TSPAN9: variants seen among roughly 807,000 people sequenced by gnomAD.
The protein encoded by TSPAN9 is tetraspanin 9, also known as tetraspanin-9.
In TSPAN9, 16 loss-of-function variants were observed where a neutral mutation model predicts 31.0. The observed-to-expected ratio is 0.52, with a 90% confidence interval of 0.35 to 0.78. TSPAN9 has a LOEUF of 0.78. Among genes scored for constraint, TSPAN9 ranks in the 30% least tolerant of loss-of-function variants. The probability of loss-of-function intolerance (pLI) is 0.01; values close to 1 mark genes in which losing one functional copy is unlikely to be tolerated. For missense variants in TSPAN9, 272 were observed against 312.5 expected (o/e 0.87, Z 0.98); for synonymous variants, 145 against 121.6 (o/e 1.19, Z -1.27).
At chr12:3,117,185 C>T (rs575013849) in intron 2 of TSPAN9, among the ~76,000 whole-genome samples, 26 of 152,250 alleles carry the variant, frequency 1.7e-4, no homozygotes, top group African/African-American at 6.3e-4. Context: ...GCTGCACAGA[C>T]GGTTCCTCGT....
intron 2 of TSPAN9, among the ~76,000 whole-genome samples, chr12:3,199,625 T>A (rs2098369957): frequency 6.6e-6 from 1 of 152,218 alleles, no homozygotes; most frequent in Non-Finnish European, 1.5e-5. Flanking sequence ...CCTGTCCCTG[T>A]CAGCCTGCCT....
intron 4 of TSPAN9, 67 bp downstream of exon 4, chr12:3,278,679 G>A (rs1862841240): frequency 6.4e-7 from 1 of 1,560,056 alleles, no homozygotes; most frequent in African/African-American, 1.4e-5. Context: ...CCCTGGGACA[G>A]GCAAGACCTG....
chr12:3,285,371 AAAT>A lies in TSPAN9; in HGVS notation c.*2256_*2258del, dbSNP rs1862995197. 6.6e-6 allele frequency: 1 copy of A among 152,190 alleles called. No individual in the cohort carries two copies. Among genetic ancestry groups the A allele is most frequent in the Non-Finnish European group, 1.5e-5 (1 of 68,024 alleles). The allele number at this position is 152,190 out of a possible 1,614,324, so 9.4% of individuals were successfully genotyped here. A position where few individuals can be genotyped will look rare whatever the true frequency, so the allele number is the denominator to read the frequency against. On this transcript the variant is annotated 3_prime_UTR_variant, in exon 9 of 9. Coordinates refer to ENST00000011898, the MANE Select transcript of TSPAN9 (RefSeq NM_006675.5). ...ATTGGGAGATGTGCAACCTCCCTGAAAATCTTTTCTGTTTCTGGAGTACTTCAG... is the reference window on the plus strand; with the variant it reads ...ATTGGGAGATGTGCAACCTCCCTGAACTTTTCTGTTTCTGGAGTACTTCAG...
intron 2 of TSPAN9, among the ~76,000 whole-genome samples, chr12:3,188,531 C>T (rs1159656751): frequency 6.6e-6 from 1 of 152,140 alleles, no homozygotes; most frequent in Non-Finnish European, 1.5e-5. Context: ...GTCCGGCTGG[C>T]CGTGGCTTCG....
At chr12:3,260,559 ATC>A (rs1451056157) in intron 3 of TSPAN9, among the ~76,000 whole-genome samples, 2 of 152,208 alleles carry the variant, frequency 1.3e-5, no homozygotes, top group African/African-American at 4.8e-5. Flanking sequence ...CTCAGAAAAT[ATC>A]TCTCGGGATC....
Position 3,147,804 on chromosome 12 carries a change from C to T in TSPAN9, c.-17-53373C>T, listed in dbSNP as rs563555704. 3.3e-4 allele frequency among the ~76,000 whole-genome samples: 51 copies of T among 152,308 alleles called. No homozygotes were observed. The highest frequency in any genetic ancestry group is 1.2e-3 in the South Asian group (6 of 4,820). On this transcript the variant is annotated intron_variant, in intron 2 of 8. Coordinates refer to ENST00000011898, the MANE Select transcript of TSPAN9 (RefSeq NM_006675.5). The surrounding 1 kb of genome is among the most constrained non-coding windows in gnomAD (Gnocchi z 4.3). ...CAGTAGTTTTCACCTGCAGTGTTGG[C>T]TCACACTGGTGGGTGCCCTTTGGTG...
chr12:3,174,703 C>T (rs955188793), intron 2 of TSPAN9, among the ~76,000 whole-genome samples: 7 of 151,684 alleles, frequency 4.6e-5, no homozygotes, highest in African/African-American at 1.7e-4. Flanking sequence ...CTGCCTCAGC[C>T]TCCCGAGTAG....
At chr12:3,209,248 AAT>A (rs1455438403) in intron 3 of TSPAN9, among the ~76,000 whole-genome samples, 2,017 of 145,072 alleles carry the variant, frequency 0.014, 21 homozygotes, top group Non-Finnish European at 0.021. Context: ...AAAAAAAAAA[AAT>A]AAAAAACTAA....
At chr12:3,184,448 A>C (rs2098360064) in intron 2 of TSPAN9, among the ~76,000 whole-genome samples, 1 of 151,930 alleles carries the variant, frequency 6.6e-6, no homozygotes, top group Admixed American at 6.6e-5. Context: ...AGAAAGAGAG[A>C]AAGAGAAAGA....
At chr12:3,101,989 G>A (rs972734183) in intron 2 of TSPAN9, among the ~76,000 whole-genome samples, 1 of 152,176 alleles carries the variant, frequency 6.6e-6, no homozygotes, top group African/African-American at 2.4e-5. Flanking sequence ...TCCTCGGACT[G>A]GAAGCTCCTG....
chr12:3,092,188 A>C (rs1318239947), intron 2 of TSPAN9, among the ~76,000 whole-genome samples: 1 of 152,190 alleles, frequency 6.6e-6, no homozygotes, highest in Admixed American at 6.5e-5. Flanking sequence ...TAAATTCCCC[A>C]GAAGCGGAGA....
intron 2 of TSPAN9, among the ~76,000 whole-genome samples, chr12:3,122,746 A>C (rs940828130): frequency 2.0e-5 from 3 of 152,168 alleles, no homozygotes; most frequent in African/African-American, 7.2e-5. Context: ...CCAGAGAAAA[A>C]CTGTCCTCTT....
intron 3 of TSPAN9, among the ~76,000 whole-genome samples, chr12:3,210,091 C>T (rs888836507): frequency 4.1e-5 from 6 of 147,614 alleles, no homozygotes; most frequent in Admixed American, 2.0e-4. Flanking sequence ...GCCGAGATCG[C>T]GCACTGCACT....
At chr12:3,191,863 A>T (rs547715487) in intron 2 of TSPAN9, among the ~76,000 whole-genome samples, 1 of 152,206 alleles carries the variant, frequency 6.6e-6, no homozygotes, top group Non-Finnish European at 1.5e-5. Context: ...ATGAGAAAAA[A>T]AGGGGCAAAT....
chr12:3,163,803 A>G (rs1050843499), intron 2 of TSPAN9, among the ~76,000 whole-genome samples: 2 of 152,246 alleles, frequency 1.3e-5, no homozygotes, highest in African/African-American at 4.8e-5. Flanking sequence ...AGCAGATAAC[A>G]CATCAGTGGT....
Position 3,285,225 on chromosome 12 carries a change from A to G in TSPAN9, c.*2109A>G, listed in dbSNP as rs1862991823. 2 of 111,734 alleles carry G rather than the reference A, an allele frequency of 1.8e-5. No homozygotes were observed. Among genetic ancestry groups the G allele is most frequent in the Admixed American group, 2.9e-4 (2 of 6,932 alleles). 6.9% of individuals were successfully genotyped at this position (111,734 alleles called of 1,614,324 possible). ...GAGAGACTCAGCAGACAAGTGCTGC[A>G]GTTGCACGGTGGGACCCGGGGCCTC... On this transcript the variant is annotated 3_prime_UTR_variant, in exon 9 of 9. Transcript: ENST00000011898.
chr12:3,098,524 T>C (rs955384868), intron 2 of TSPAN9, among the ~76,000 whole-genome samples: 1 of 152,186 alleles, frequency 6.6e-6, no homozygotes, highest in African/African-American at 2.4e-5. Context: ...AAGGGAGGGC[T>C]GAGTGACTGC....
At chr12:3,104,332 T>C (rs2098313216) in intron 2 of TSPAN9, among the ~76,000 whole-genome samples, 1 of 148,860 alleles carries the variant, frequency 6.7e-6, no homozygotes, top group Admixed American at 6.7e-5. Flanking sequence ...GTAGCAGTAC[T>C]AATAACTGTT....
intron 3 of TSPAN9, among the ~76,000 whole-genome samples, chr12:3,254,234 G>A (rs990706914): frequency 1.3e-5 from 2 of 152,122 alleles, no homozygotes; most frequent in Non-Finnish European, 2.9e-5. Flanking sequence ...GTTTTATTGG[G>A]GTCAGGTGCT....
Sources: allele counts gnomAD v4.1 joint callset (sites outside exome capture counted in the v4.1 genomes callset), GRCh38; gene constraint gnomAD v4.1.1; non-coding constraint Gnocchi (gnomAD v3.1); transcripts MANE v1.5; gene names NCBI Gene and HGNC (gene_info 2026-07-23, HGNC 2026-07-21).